The following PLXNA4 variants were observed in gnomAD, a reference collection of about 807,000 sequenced individuals.
PLXNA4 encodes plexin A4.
In PLXNA4, 44 loss-of-function variants were observed where a neutral mutation model predicts 191.8. That is an observed-to-expected ratio of 0.23 (90% CI 0.18 to 0.29). The LOEUF (loss-of-function observed/expected upper bound fraction) is 0.29, where lower values mean the gene tolerates loss of function less well. Among genes scored for constraint, PLXNA4 ranks in the 10% least tolerant of loss-of-function variants. The pLI is 1.00. For synonymous variants in PLXNA4, 1,082 were observed against 1,009.5 expected, an observed-to-expected ratio of 1.07 and a Z score of -1.36; for missense variants, 1,800 against 2,488.8, an observed-to-expected ratio of 0.72 and a Z score of 5.89.
At chr7:132,232,692 C>T (rs1044372445) in intron 5 of PLXNA4, among the ~76,000 whole-genome samples, 1 of 152,178 alleles carries the variant, frequency 6.6e-6, no homozygotes, top group South Asian at 2.1e-4. Flanking sequence ...TAAGCCTGAA[C>T]TTTCACTGCT....
chr7:132,213,591 G>T (rs1797871443), intron 9 of PLXNA4, among the ~76,000 whole-genome samples: 1 of 152,160 alleles, frequency 6.6e-6, no homozygotes, highest in Non-Finnish European at 1.5e-5. Context: ...TAGCAAGGTG[G>T]GAATGTGGCA....
At chr7:132,232,068 G>A (rs1271097310) in intron 5 of PLXNA4, among the ~76,000 whole-genome samples, 1 of 152,174 alleles carries the variant, frequency 6.6e-6, no homozygotes, top group African/African-American at 2.4e-5. Context: ...GGCGAGGCAC[G>A]AATTCCTGCT....
intron 3 of PLXNA4, among the ~76,000 whole-genome samples, chr7:132,333,018 A>T (rs1036161574): frequency 1.3e-5 from 2 of 152,154 alleles, no homozygotes; most frequent in Admixed American, 1.3e-4. Context: ...CTCTAAAATA[A>T]AATGCTGTTT....
chr7:132,272,554 G>A (rs905862483), intron 4 of PLXNA4, among the ~76,000 whole-genome samples: 1 of 152,100 alleles, frequency 6.6e-6, no homozygotes, highest in South Asian at 2.1e-4. Context: ...TTTCATTCCT[G>A]CCTAAATCAA....
At chr7:132,297,310 T>C (rs1427277568) in intron 4 of PLXNA4, among the ~76,000 whole-genome samples, 2 of 152,062 alleles carry the variant, frequency 1.3e-5, no homozygotes, top group East Asian at 3.9e-4. Flanking sequence ...GTGCTGCACC[T>C]CACTTGGGGT....
chr7:132,635,651 C>T (rs995123457), intron 2 of PLXNA4, among the ~76,000 whole-genome samples: 1 of 152,154 alleles, frequency 6.6e-6, no homozygotes, highest in Admixed American at 6.5e-5. Flanking sequence ...ACCCCACTGC[C>T]CTGCACCTTG....
intron 28 of PLXNA4, chr7:132,145,520 C>T (rs565233051): frequency 1.7e-4 from 92 of 550,262 alleles, no homozygotes; most frequent in African/African-American, 1.5e-3. Context: ...ACTGGACCTA[C>T]GTAAGGCTTC....
intron 4 of PLXNA4, among the ~76,000 whole-genome samples, chr7:132,286,367 T>C (rs543170894): frequency 6.6e-6 from 1 of 152,272 alleles, no homozygotes; most frequent in Non-Finnish European, 1.5e-5. Context: ...AGTGGATGAT[T>C]ATAGGTGGTT....
chr7:132,635,668 G>A (rs958753449), intron 2 of PLXNA4, among the ~76,000 whole-genome samples: 17 of 152,088 alleles, frequency 1.1e-4, no homozygotes, highest in Non-Finnish European at 1.8e-4. Flanking sequence ...CTTGCCCCAT[G>A]CCTCTGTCAG....
intron 10 of PLXNA4, among the ~76,000 whole-genome samples, chr7:132,203,927 C>A (rs973364314): frequency 6.6e-6 from 1 of 152,172 alleles, no homozygotes; most frequent in Non-Finnish European, 1.5e-5. Context: ...GGGGTGATCA[C>A]TTCCCAGGCA....
intron 2 of PLXNA4, among the ~76,000 whole-genome samples, chr7:132,632,235 C>CAAAAAAA (rs398006359): frequency 1.3e-5 from 1 of 78,662 alleles, no homozygotes; most frequent in African/African-American, 4.7e-5. Flanking sequence ...GACTCCATCT[C>CAAAAAAA]AAAAAAAAAA....
chr7:132,631,211 C>T (rs1476336902), intron 2 of PLXNA4, among the ~76,000 whole-genome samples: 1 of 152,124 alleles, frequency 6.6e-6, no homozygotes, highest in Non-Finnish European at 1.5e-5. Flanking sequence ...ATTTAAATTG[C>T]TTCCCTTTAC....
chr7:132,604,969 G>A (rs1048800151), intron 2 of PLXNA4, among the ~76,000 whole-genome samples: 1 of 152,264 alleles, frequency 6.6e-6, no homozygotes, highest in Non-Finnish European at 1.5e-5. Context: ...TCCAGTCCTA[G>A]CAGTGCACAC....
At chr7:132,188,660 T>A (rs1796958566) in intron 14 of PLXNA4, among the ~76,000 whole-genome samples, 1 of 152,018 alleles carries the variant, frequency 6.6e-6, no homozygotes, top group Non-Finnish European at 1.5e-5. Context: ...AGGTCTAGTA[T>A]CCCTGTAACA....
At chr7:132,571,208 C>T (rs1006122051) in intron 1 of PLXNA4, among the ~76,000 whole-genome samples, 1 of 152,214 alleles carries the variant, frequency 6.6e-6, no homozygotes, top group African/African-American at 2.4e-5. Context: ...AGAACCCAAC[C>T]AGGCCCATGG....
At chr7:132,613,021 T>C (rs1477588733) in intron 2 of PLXNA4, among the ~76,000 whole-genome samples, 1 of 152,184 alleles carries the variant, frequency 6.6e-6, no homozygotes, top group Non-Finnish European at 1.5e-5. Flanking sequence ...TATGCTTTGT[T>C]GAAAAGATGT....
At chr7:132,304,796 C>A (rs938794694) in intron 3 of PLXNA4, among the ~76,000 whole-genome samples, 2 of 151,762 alleles carry the variant, frequency 1.3e-5, no homozygotes, top group Admixed American at 1.3e-4. Context: ...GGCCCTCCCT[C>A]CCCCCTGTCC....
At chr7:132,495,132 C>T (rs1797959852) in intron 2 of PLXNA4, among the ~76,000 whole-genome samples, 1 of 152,212 alleles carries the variant, frequency 6.6e-6, no homozygotes, top group Non-Finnish European at 1.5e-5. Context: ...CCAAATCCTC[C>T]CCTGACCCCA....
Position 132,130,548 on chromosome 7 carries a change from GTCA to G in PLXNA4, c.5613_5615del (p.Asp1872del). 1.2e-6 allele frequency: 2 copies of G among 1,614,096 alleles called. No homozygotes were observed. The highest frequency in any genetic ancestry group is 1.7e-6 in the Non-Finnish European group (2 of 1,180,010). ...AGGCCAGTTTCTGCTTCCCACACTG[GTCA>G]TCGTGGTCCAGAGGTCCAAGGATCT... is the stretch of plus-strand genomic sequence containing the variant. On this transcript the variant is annotated inframe_deletion, in exon 32 of 32. Transcript: ENST00000321063.
Sources: allele counts gnomAD v4.1 joint callset (sites outside exome capture counted in the v4.1 genomes callset), GRCh38; gene constraint gnomAD v4.1.1; transcripts MANE v1.5; gene names NCBI Gene and HGNC (gene_info 2026-07-23, HGNC 2026-07-21).